The following HEATR5B variants were observed in gnomAD, a reference collection of about 807,000 sequenced individuals.
The protein encoded by HEATR5B is HEAT repeat containing 5B.
HEATR5B carries 156 observed loss-of-function variants against 224.1 expected under a neutral mutation model. That is an observed-to-expected ratio of 0.70 (90% CI 0.61 to 0.80). HEATR5B has a LOEUF of 0.80. Among genes scored for constraint, HEATR5B ranks in the 30% least tolerant of loss-of-function variants. The pLI is 0.00. For synonymous variants in HEATR5B, 1,027 were observed against 893.0 expected (o/e 1.15, Z -2.68); for missense variants, 2,323 against 2,535.5 (o/e 0.92, Z 1.80).
intron 24 of HEATR5B, among the ~76,000 whole-genome samples, chr2:37,023,618 A>C (rs2148447376): frequency 6.6e-6 from 1 of 152,052 alleles, no homozygotes; most frequent in East Asian, 1.9e-4. Context: ...AAAATACAAA[A>C]ATTAGCTGGA....
At chr2:36,989,481 T>A (rs1666174759) in intron 34 of HEATR5B, among the ~76,000 whole-genome samples, 1 of 152,222 alleles carries the variant, frequency 6.6e-6, no homozygotes. Context: ...CCTCCCATTT[T>A]AACCAAATAT....
chr2:37,038,201 G>A (rs573552057), intron 20 of HEATR5B, among the ~76,000 whole-genome samples, 177 bp from the exon 21 acceptor site: 2 of 152,120 alleles, frequency 1.3e-5, no homozygotes, highest in East Asian at 3.9e-4. Flanking sequence ...GTGCAGTGGC[G>A]CGATCTCGGC....
chr2:36,988,018 G>A (rs1166111685), intron 35 of HEATR5B, among the ~76,000 whole-genome samples: 7 of 151,854 alleles, frequency 4.6e-5, no homozygotes, highest in Non-Finnish European at 8.8e-5. Flanking sequence ...GTTGCAGTGA[G>A]CCAAGATGGT....
At position 37,084,302 on chromosome 2, in the gene HEATR5B, C is replaced by CG. The variant is rs1672837991; in HGVS notation, c.-57dup. The CG allele has an allele frequency of 7.6e-6, 3 of 397,314 alleles. No individual in the cohort carries two copies. The highest frequency in any genetic ancestry group is 1.3e-5 in the Non-Finnish European group (3 of 226,204). 24.6% of individuals were successfully genotyped at this position (397,314 alleles called of 1,614,324 possible). Reference sequence around the variant, plus strand: ...CTGGAAGGGAAGATCAGCTGAGCTCCGGGGGTAGAAGCAGCCACCAAGAGA... The same window carrying CG: ...CTGGAAGGGAAGATCAGCTGAGCTCCGGGGGGTAGAAGCAGCCACCAAGAGA... On this transcript the variant is annotated 5_prime_UTR_variant, in exon 1 of 36. Transcript: ENST00000233099.
intron 26 of HEATR5B, among the ~76,000 whole-genome samples, chr2:37,017,119 T>G (rs1475746866): frequency 2.0e-5 from 3 of 152,166 alleles, no homozygotes; most frequent in Non-Finnish European, 2.9e-5. Context: ...ACCTAAGTAT[T>G]TTCTTCACAT....
chr2:36,999,518 A>C (rs1666948203), intron 33 of HEATR5B, among the ~76,000 whole-genome samples: 1 of 151,856 alleles, frequency 6.6e-6, no homozygotes, highest in South Asian at 2.1e-4. Context: ...TCTCTACCAA[A>C]AAATACACAC....
At chr2:37,055,216 G>C (rs1333117818) in intron 16 of HEATR5B, 4 of 202,888 alleles carry the variant, frequency 2.0e-5, no homozygotes, top group African/African-American at 4.7e-5. Context: ...TCAAAACACT[G>C]TCTCTACAAA....
chr2:37,059,938 G>A (rs1671175034), intron 12 of HEATR5B, among the ~76,000 whole-genome samples: 1 of 152,112 alleles, frequency 6.6e-6, no homozygotes, highest in African/African-American at 2.4e-5. Context: ...GGCTGCCCTT[G>A]TGGTGAAACA....
rs1227737723 is a variant in HEATR5B, at chr2:37,038,737, G to C, written c.3047-713C>G. 2.6e-5 allele frequency among the ~76,000 whole-genome samples: 4 copies of C among 151,604 alleles called. No individual in the cohort carries two copies. The East Asian group carries it at 8.1e-4, about 31-fold the overall frequency. On this transcript the variant is annotated intron_variant, in intron 20 of 35. Transcript: ENST00000233099. ...AGGCGGACGAATCACCTGAGGTCAG[G>C]AGTTCGAGACCAGCCTGGCCAACAT...
At chr2:37,059,215 TAG>T (rs1671098803) in intron 12 of HEATR5B, among the ~76,000 whole-genome samples, 1 of 151,260 alleles carries the variant, frequency 6.6e-6, no homozygotes, top group African/African-American at 2.4e-5. Flanking sequence ...AGGTACTGGT[TAG>T]AGAGATTCTT....
intron 3 of HEATR5B, among the ~76,000 whole-genome samples, chr2:37,078,624 G>C (rs890715614): frequency 4.6e-5 from 7 of 152,004 alleles, no homozygotes; most frequent in African/African-American, 1.7e-4. Flanking sequence ...AATATATCTA[G>C]GTAGTTACCT....
chr2:37,008,397 C>T (rs1474455407), intron 28 of HEATR5B: 5 of 583,762 alleles, frequency 8.6e-6, no homozygotes, highest in African/African-American at 7.5e-5. Flanking sequence ...ACAGTGCTTG[C>T]TAATATGTTT....
chr2:37,037,618 T>C (rs1230164916), intron 21 of HEATR5B, among the ~76,000 whole-genome samples: 1 of 152,178 alleles, frequency 6.6e-6, no homozygotes, highest in African/African-American at 2.4e-5. Context: ...TCAATAATAA[T>C]TTTAATTGTA....
chr2:36,999,498 T>G (rs1190172363), intron 33 of HEATR5B, among the ~76,000 whole-genome samples: 1 of 151,484 alleles, frequency 6.6e-6, no homozygotes, highest in African/African-American at 2.4e-5. Flanking sequence ...GCCAACATGG[T>G]GAAACCCCGT....
At chr2:36,983,408 G>A (rs1314560959) in intron 35 of HEATR5B, among the ~76,000 whole-genome samples, 2 of 151,280 alleles carry the variant, frequency 1.3e-5, no homozygotes, top group African/African-American at 2.4e-5. Context: ...GCATGGTGGC[G>A]CATGCCTGTA....
intron 33 of HEATR5B, among the ~76,000 whole-genome samples, chr2:36,995,087 G>GTT (rs775120824): frequency 0.016 from 1,626 of 104,120 alleles, 169 homozygotes; most frequent in African/African-American, 0.059. Flanking sequence ...GTTATTCCTT[G>GTT]TTTTTTTTTT....
At chr2:37,049,955 A>G in intron 17 of HEATR5B, 112 bp from the exon 18 acceptor site, 4 of 1,016,440 alleles carry the variant, frequency 3.9e-6, no homozygotes, top group South Asian at 1.9e-5. Context: ...CAATGGCACA[A>G]TCACTGCTCA....
chr2:37,009,075 T>C (rs890905814), intron 27 of HEATR5B, among the ~76,000 whole-genome samples: 5 of 151,534 alleles, frequency 3.3e-5, no homozygotes, highest in Admixed American at 6.6e-5. Flanking sequence ...CTGGCCAACA[T>C]AGTGAAACCC....
chr2:36,996,471 C>T (rs1268251545), intron 33 of HEATR5B, among the ~76,000 whole-genome samples: 2 of 150,262 alleles, frequency 1.3e-5, no homozygotes, highest in African/African-American at 4.9e-5. Context: ...AGCTTGAGGG[C>T]AATGGTGCGA....
Sources: allele counts gnomAD v4.1 joint callset (sites outside exome capture counted in the v4.1 genomes callset), GRCh38; gene constraint gnomAD v4.1.1; transcripts MANE v1.5; gene names NCBI Gene and HGNC (gene_info 2026-07-23, HGNC 2026-07-21).